CNTNAP2: variants seen among roughly 807,000 people sequenced by gnomAD.
The protein encoded by CNTNAP2 is contactin-associated protein-like 2.
CNTNAP2 carries 98 observed loss-of-function variants against 155.2 expected under a neutral mutation model. That is an observed-to-expected ratio of 0.63 (90% CI 0.54 to 0.75). CNTNAP2 has a LOEUF of 0.75. CNTNAP2 is among the 30% of genes least tolerant of loss of function. The pLI is 0.00. For missense variants in CNTNAP2, 1,727 were observed against 1,688.1 expected (o/e 1.02, Z -0.40); for synonymous variants, 651 against 631.2 (o/e 1.03, Z -0.47).
intron 13 of CNTNAP2, among the ~76,000 whole-genome samples, chr7:147,774,784 G>T (rs553163425): frequency 6.6e-6 from 1 of 152,080 alleles, no homozygotes; most frequent in African/African-American, 2.4e-5. Context: ...AGACACCCAG[G>T]TTGTGGTATC....
intron 1 of CNTNAP2, among the ~76,000 whole-genome samples, chr7:146,610,687 A>T (rs1163070181): frequency 6.6e-6 from 1 of 152,184 alleles, no homozygotes; most frequent in Non-Finnish European, 1.5e-5. Context: ...ATGCAAATCT[A>T]GACTTCTAAT....
chr7:146,388,543 G>T (rs995178692), intron 1 of CNTNAP2, among the ~76,000 whole-genome samples: 2 of 152,118 alleles, frequency 1.3e-5, no homozygotes, highest in Non-Finnish European at 1.5e-5. Flanking sequence ...ATGCAATGTG[G>T]ATAAGCACAT....
At chr7:146,186,966 G>A (rs769672252) in intron 1 of CNTNAP2, among the ~76,000 whole-genome samples, 99 of 152,100 alleles carry the variant, frequency 6.5e-4, no homozygotes, top group Admixed American at 1.4e-3. Context: ...CTTATATCCC[G>A]TTTCTATCCT....
At chr7:148,287,996 T>C (rs1380037428) in intron 21 of CNTNAP2, among the ~76,000 whole-genome samples, 1 of 151,980 alleles carries the variant, frequency 6.6e-6, no homozygotes, top group South Asian at 2.1e-4. Context: ...TTCACCATGT[T>C]GGCCAGGATG....
At chr7:148,279,751 C>T (rs1796939693) in intron 21 of CNTNAP2, among the ~76,000 whole-genome samples, 1 of 152,062 alleles carries the variant, frequency 6.6e-6, no homozygotes, top group South Asian at 2.1e-4. Context: ...AATATATCTC[C>T]ATTATAAAGT....
chr7:146,715,755 T>G (rs1801176260), intron 1 of CNTNAP2, among the ~76,000 whole-genome samples: 2 of 152,234 alleles, frequency 1.3e-5, no homozygotes, highest in Admixed American at 6.5e-5. Flanking sequence ...ATATTTTTTA[T>G]TGTAGCCTAA....
intron 14 of CNTNAP2, among the ~76,000 whole-genome samples, chr7:147,904,377 T>C (rs1278785230): frequency 1.3e-5 from 2 of 152,206 alleles, no homozygotes; most frequent in Non-Finnish European, 2.9e-5. Context: ...CAGATAAAGA[T>C]AAGATCAGCT....
intron 1 of CNTNAP2, among the ~76,000 whole-genome samples, chr7:146,230,596 T>C (rs1799367394): frequency 6.6e-6 from 1 of 152,188 alleles, no homozygotes; most frequent in Non-Finnish European, 1.5e-5. Flanking sequence ...CTGGTGAGTA[T>C]AGCTTGGCTT....
chr7:147,252,309 A>C (rs1001017212), intron 8 of CNTNAP2, among the ~76,000 whole-genome samples: 8 of 152,218 alleles, frequency 5.3e-5, no homozygotes, highest in African/African-American at 1.7e-4. Context: ...ATCTTTAAGT[A>C]TCATGAGAGT....
At chr7:146,595,439 G>A (rs1462639634) in intron 1 of CNTNAP2, among the ~76,000 whole-genome samples, 1 of 151,868 alleles carries the variant, frequency 6.6e-6, no homozygotes, top group Non-Finnish European at 1.5e-5. Context: ...TTCCTTAAGA[G>A]GAATATTATA....
At chr7:146,410,534 T>C (rs1018346535) in intron 1 of CNTNAP2, among the ~76,000 whole-genome samples, 2 of 152,252 alleles carry the variant, frequency 1.3e-5, no homozygotes, top group Admixed American at 6.5e-5. Flanking sequence ...GGGGGAGACG[T>C]GCAGGCTTGT....
intron 1 of CNTNAP2, among the ~76,000 whole-genome samples, chr7:146,684,748 T>C (rs1800566235): frequency 1.3e-5 from 2 of 150,086 alleles, no homozygotes; most frequent in South Asian, 4.4e-4. Flanking sequence ...ATCACATGAC[T>C]TACTTCACAA....
At chr7:148,053,388 A>G (rs1165910077) in intron 15 of CNTNAP2, among the ~76,000 whole-genome samples, 1 of 152,218 alleles carries the variant, frequency 6.6e-6, no homozygotes, top group Non-Finnish European at 1.5e-5. Flanking sequence ...TAGGAAATGT[A>G]TGTATCTCAA....
rs1305690141 is a variant in CNTNAP2, at chr7:148,047,293, T to TAC, written c.2383+69304_2383+69305insAC. 6.2e-3 allele frequency among the ~76,000 whole-genome samples: 939 copies of TAC among 152,352 alleles called. 8 individuals are homozygous for TAC. The highest frequency in any genetic ancestry group is 0.022 in the African/African-American group (898 of 41,574). On this transcript the variant is annotated intron_variant, in intron 15 of 23. Transcript: ENST00000361727. Reference sequence around the variant, plus strand: ...CCTGCAAGCCTCTGGTCACAGTATATTCATCAACCTATCAATACATAACGT... The same window carrying TAC: ...CCTGCAAGCCTCTGGTCACAGTATATACTCATCAACCTATCAATACATAACGT...
At chr7:146,416,616 A>G (rs1488879522) in intron 1 of CNTNAP2, among the ~76,000 whole-genome samples, 2 of 152,200 alleles carry the variant, frequency 1.3e-5, no homozygotes, top group Admixed American at 1.3e-4. Flanking sequence ...CTAAAGAAAG[A>G]CCTTTCTAAC....
At chr7:146,909,018 C>A (rs1045703920) in intron 3 of CNTNAP2, among the ~76,000 whole-genome samples, 1 of 150,778 alleles carries the variant, frequency 6.6e-6, no homozygotes, top group East Asian at 1.9e-4. Context: ...GAGAATACTA[C>A]AAACACCTCT....
chr7:147,816,271 C>T (rs1253359639), intron 13 of CNTNAP2, among the ~76,000 whole-genome samples: 2 of 152,048 alleles, frequency 1.3e-5, no homozygotes, highest in Non-Finnish European at 2.9e-5. Flanking sequence ...TGTTACTGAG[C>T]TGGAGGGCTT....
chr7:147,819,302 T>A (rs1229673007), intron 13 of CNTNAP2, among the ~76,000 whole-genome samples: 1 of 152,154 alleles, frequency 6.6e-6, no homozygotes, highest in Non-Finnish European at 1.5e-5. Flanking sequence ...GACCTTTAGT[T>A]TTGTCCACCT....
At chr7:147,390,635 C>A (rs539380605) in intron 9 of CNTNAP2, among the ~76,000 whole-genome samples, 1 of 152,086 alleles carries the variant, frequency 6.6e-6, no homozygotes, top group East Asian at 1.9e-4. Context: ...GTTTCCATGG[C>A]TTTTAGGCTG....
Sources: gnomAD v4.1 joint callset for allele counts (sites outside exome capture counted in the v4.1 genomes callset) on GRCh38, gnomAD v4.1.1 for gene constraint, MANE v1.5 for transcripts, NCBI Gene and HGNC (gene_info 2026-07-23, HGNC 2026-07-21) for gene names.